BABAM2: variants seen among roughly 807,000 people sequenced by gnomAD.
BABAM2 encodes the protein BRISC and BRCA1-A complex member 2.
A neutral mutation model predicts 54.7 loss-of-function variants in BABAM2; 31 were observed. The ratio of observed to expected loss-of-function variants is 0.57; its 90% CI spans 0.43 to 0.77. BABAM2 has a LOEUF of 0.77. Among genes scored for constraint, BABAM2 ranks in the 30% least tolerant of loss-of-function variants. The pLI is 0.00. For missense variants in BABAM2, 364 were observed against 455.8 expected (o/e 0.80, Z 1.83); for synonymous variants, 167 against 162.9 (o/e 1.03, Z -0.19).
At chr2:28,185,622 G>A (rs1676197866) in intron 7 of BABAM2, among the ~76,000 whole-genome samples, 1 of 152,130 alleles carries the variant, frequency 6.6e-6, no homozygotes, top group African/African-American at 2.4e-5. Context: ...GTCAGTGCAT[G>A]AGATCTTAAT....
intron 3 of BABAM2, among the ~76,000 whole-genome samples, chr2:27,967,205 A>G (rs1021186537): frequency 5.9e-5 from 9 of 152,140 alleles, no homozygotes; most frequent in African/African-American, 2.2e-4. Context: ...CCCAGATCTC[A>G]TCTTGAATTC....
chr2:27,964,824 C>T (rs1299247348), intron 3 of BABAM2, among the ~76,000 whole-genome samples: 1 of 152,196 alleles, frequency 6.6e-6, no homozygotes, highest in Non-Finnish European at 1.5e-5. Context: ...ATTCTTTCTA[C>T]TCATCACATT....
intron 2 of BABAM2, among the ~76,000 whole-genome samples, chr2:27,914,312 A>G (rs897734959): frequency 5.9e-5 from 9 of 152,146 alleles, no homozygotes; most frequent in Admixed American, 5.9e-4. Flanking sequence ...TGCCACTTCT[A>G]GCTCTTGTCA....
chr2:28,230,732 G>A (rs188273586), intron 7 of BABAM2, among the ~76,000 whole-genome samples: 2 of 79,866 alleles, frequency 2.5e-5, no homozygotes, highest in East Asian at 6.9e-4. Context: ...AAAAAAAAAA[G>A]AAGAAGAAAG....
At chr2:28,328,885 T>C (rs1223336610) in intron 11 of BABAM2, among the ~76,000 whole-genome samples, 1 of 152,226 alleles carries the variant, frequency 6.6e-6, no homozygotes, top group African/African-American at 2.4e-5. Context: ...CTTTGGGTTG[T>C]ATATTCTGTG....
At chr2:28,328,064 G>C (rs925822329) in intron 11 of BABAM2, among the ~76,000 whole-genome samples, 3 of 152,164 alleles carry the variant, frequency 2.0e-5, no homozygotes, top group African/African-American at 4.8e-5. Flanking sequence ...GTTGTCACAG[G>C]GGCCTTTGGA....
Position 28,017,210 on chromosome 2 carries a change from C to G in BABAM2, c.301-8016C>G, listed in dbSNP as rs73923983. 3.2e-3 allele frequency among the ~76,000 whole-genome samples: 480 copies of G among 152,302 alleles called. 4 individuals carry two copies. The highest frequency in any genetic ancestry group is 0.011 in the African/African-American group (460 of 41,560). Reference sequence around the variant, plus strand: ...TACTTAACAAAATGTACGGTGTAAACACTTATTGCTGATAATACTTGGTCC... The same window carrying G: ...TACTTAACAAAATGTACGGTGTAAAGACTTATTGCTGATAATACTTGGTCC... On this transcript the variant is annotated intron_variant, in intron 4 of 11. Transcript: ENST00000379624.
intron 7 of BABAM2, among the ~76,000 whole-genome samples, chr2:28,176,783 T>C (rs1226689196): frequency 7.4e-6 from 1 of 135,146 alleles, no homozygotes; most frequent in Admixed American, 7.8e-5. Context: ...GTAGACTAGA[T>C]CAAGCAGAAG....
chr2:28,054,165 CAA>C (rs1336965863), intron 6 of BABAM2, among the ~76,000 whole-genome samples: 2 of 152,004 alleles, frequency 1.3e-5, no homozygotes, highest in African/African-American at 4.8e-5. Context: ...TGTTTCTTCA[CAA>C]AGACACCTGG....
At chr2:27,902,304 A>G (rs1161478033) in intron 2 of BABAM2, among the ~76,000 whole-genome samples, 5 of 152,236 alleles carry the variant, frequency 3.3e-5, no homozygotes, top group Non-Finnish European at 1.5e-5. Context: ...CACAGTAAGA[A>G]TAAGCACTGT....
intron 6 of BABAM2, among the ~76,000 whole-genome samples, chr2:28,075,969 G>A (rs1664621558): frequency 6.6e-6 from 1 of 151,874 alleles, no homozygotes; most frequent in South Asian, 2.1e-4. Context: ...ATTTTTTGAG[G>A]TGGGAAATTT....
intron 10 of BABAM2, among the ~76,000 whole-genome samples, chr2:28,252,864 A>C (rs11678504): frequency 0.17 from 26,224 of 152,234 alleles, 2,374 homozygotes; most frequent in African/African-American, 0.2. Context: ...AAAATTAGCA[A>C]TTTTGACTTC....
intron 7 of BABAM2, among the ~76,000 whole-genome samples, chr2:28,218,795 T>G (rs1199940388): frequency 3.9e-5 from 6 of 152,228 alleles, no homozygotes; most frequent in Non-Finnish European, 7.3e-5. Flanking sequence ...TGCATCTTTC[T>G]TACTACGTTT....
chr2:28,072,280 C>A (rs1664217817), intron 6 of BABAM2, among the ~76,000 whole-genome samples: 1 of 152,006 alleles, frequency 6.6e-6, no homozygotes, highest in African/African-American at 2.4e-5. Context: ...TCAAGCAGTT[C>A]TCCTGCCTCA....
At chr2:27,895,676 C>T (rs750799458) in intron 2 of BABAM2, among the ~76,000 whole-genome samples, 5 of 152,108 alleles carry the variant, frequency 3.3e-5, no homozygotes, top group African/African-American at 4.8e-5. Flanking sequence ...TGCCAATACC[C>T]GGTTTCTCAT....
chr2:27,942,192 C>T (rs990891038), intron 3 of BABAM2, among the ~76,000 whole-genome samples: 1 of 152,182 alleles, frequency 6.6e-6, no homozygotes, highest in African/African-American at 2.4e-5. Context: ...GCATGGATGA[C>T]TGTCAAACAG....
chr2:28,261,522 A>T (rs751313204), intron 10 of BABAM2, among the ~76,000 whole-genome samples: 60 of 151,568 alleles, frequency 4.0e-4, no homozygotes, highest in Middle Eastern at 3.4e-3. Flanking sequence ...TTTAGTAGAG[A>T]CAGTGTTTCA....
At chr2:27,950,822 TA>T (rs1669657092) in intron 3 of BABAM2, among the ~76,000 whole-genome samples, 1 of 152,200 alleles carries the variant, frequency 6.6e-6, no homozygotes, top group African/African-American at 2.4e-5. Flanking sequence ...TAAATTTGCT[TA>T]ATAGATTTAG....
chr2:28,060,389 A>G (rs973254301), intron 6 of BABAM2, among the ~76,000 whole-genome samples: 6 of 152,200 alleles, frequency 3.9e-5, no homozygotes, highest in African/African-American at 1.2e-4. Flanking sequence ...TCCTATAGCT[A>G]GTATCATACT....
Sources: allele counts gnomAD v4.1 joint callset (sites outside exome capture counted in the v4.1 genomes callset), GRCh38; gene constraint gnomAD v4.1.1; transcripts MANE v1.5; gene names NCBI Gene and HGNC (gene_info 2026-07-23, HGNC 2026-07-21).